RUBCN: variants seen among roughly 807,000 people sequenced by gnomAD.
RUBCN encodes run domain Beclin-1-interacting and cysteine-rich domain-containing protein.
Under a neutral mutation model 113.2 loss-of-function variants are expected in RUBCN, and 74 were observed. The ratio of observed to expected loss-of-function variants is 0.65; its 90% CI spans 0.54 to 0.79. The LOEUF (loss-of-function observed/expected upper bound fraction) is 0.79. Among genes scored for constraint, RUBCN ranks in the 30% least tolerant of loss-of-function variants. RUBCN has a pLI of 0.00. For synonymous variants in RUBCN, 480 were observed against 490.0 expected (o/e 0.98, Z 0.27); for missense variants, 1,109 against 1,251.7 (o/e 0.89, Z 1.72).
intron 7 of RUBCN, chr3:197,699,102 T>G: frequency 1.0e-6 from 1 of 953,940 alleles, no homozygotes; most frequent in Non-Finnish European, 1.7e-6. Context: ...CAGACTTGAT[T>G]TGACACCAGA....
chr3:197,682,664 C>T (rs368867303), intron 13 of RUBCN, 49 bp from the exon 14 acceptor site: 23 of 1,602,050 alleles, frequency 1.4e-5, no homozygotes, highest in Middle Eastern at 1.7e-4. Context: ...GTGTGCTGCC[C>T]GTCATCTGGT....
At chr3:197,696,198 C>A (rs1428274213) in intron 8 of RUBCN, among the ~76,000 whole-genome samples, 1 of 151,874 alleles carries the variant, frequency 6.6e-6, no homozygotes, top group Non-Finnish European at 1.5e-5. Flanking sequence ...ATGGTGAAAC[C>A]CCATCTCTAC....
intron 2 of RUBCN, 44 bp downstream of exon 2, chr3:197,717,933 A>G (rs370731043): frequency 5.1e-5 from 82 of 1,611,342 alleles, no homozygotes; most frequent in Non-Finnish European, 6.4e-5. Context: ...TTTCTTTTCA[A>G]CAAGCGAGTC....
upstream of RUBCN, among the ~76,000 whole-genome samples, chr3:197,740,530 A>G (rs1395517049): frequency 6.6e-6 from 1 of 152,192 alleles, no homozygotes; most frequent in Non-Finnish European, 1.5e-5. Context: ...AACATGAACC[A>G]TAATTGGATA....
At position 197,678,865 on chromosome 3, in the gene RUBCN, C is replaced by G. The variant is rs1332334088; in HGVS notation, c.2431-1324G>C. 8.7e-5 allele frequency among the ~76,000 whole-genome samples: 13 copies of G among 149,492 alleles called. No individual in the cohort carries two copies. In the East Asian group the frequency reaches 2.4e-3, roughly 28 times the overall value. ...TGACAACTGGCTTCAGACTGTCCTA[C>G]GCTCTAACTGACAACTGGCTCCAGA... On this transcript the variant is annotated intron_variant, in intron 16 of 19. Transcript: ENST00000296343.
rs983876249 is a variant in RUBCN at position 197,669,887 on chromosome 3, C to T, written c.*5131G>A. ...CAAGACTTTTTCCCCATGTTACTAT[C>T]ATAATTTATTTTTTTGTTTGAGACA... On this transcript the variant is annotated 3_prime_UTR_variant, in exon 20 of 20. Coordinates refer to ENST00000296343, the MANE Select transcript of RUBCN (RefSeq NM_014687.4). Among the ~76,000 whole-genome samples, 6 of 152,088 alleles carry T rather than the reference C, an allele frequency of 3.9e-5. No homozygotes were observed. The highest frequency in any genetic ancestry group is 6.6e-5 in the Admixed American group (1 of 15,252).
At chr3:197,724,452 G>A (rs1037090559) in intron 1 of RUBCN, among the ~76,000 whole-genome samples, 3 of 152,192 alleles carry the variant, frequency 2.0e-5, no homozygotes, top group African/African-American at 7.2e-5. Flanking sequence ...ATTGCAAAGT[G>A]TGATTCAAGG....
upstream of RUBCN, among the ~76,000 whole-genome samples, chr3:197,741,141 T>C (rs890206283): frequency 3.3e-5 from 5 of 152,232 alleles, no homozygotes; most frequent in Non-Finnish European, 7.4e-5. Flanking sequence ...CCTAAAAAAA[T>C]AGTCAATGAT....
At position 197,683,483 on chromosome 3, in the gene RUBCN, T is replaced by C; in HGVS notation, c.1848-44A>G. 1 of 1,611,186 alleles carries C rather than the reference T, an allele frequency of 6.2e-7. No homozygotes were observed. The highest frequency in any genetic ancestry group is 8.5e-7 in the Non-Finnish European group (1 of 1,178,888). On this transcript the variant is annotated intron_variant, in intron 12 of 19. Coordinates refer to ENST00000296343, the MANE Select transcript of RUBCN (RefSeq NM_014687.4). This position sits in a 1 kb window ranked among gnomAD's most constrained non-coding sequence, Gnocchi z 4.6. ...AGGACGGCTGAACACAGGGAAAGGA[T>C]GGGCGATGCGAGGCTTCCCTTCATG...
chr3:197,695,137 C>T (rs918900600), intron 9 of RUBCN, among the ~76,000 whole-genome samples: 13 of 149,280 alleles, frequency 8.7e-5, no homozygotes, highest in African/African-American at 2.0e-4. Context: ...AGACCCCAGA[C>T]GCAGCGGCTC....
chr3:197,687,107 T>G (rs1207197463), intron 11 of RUBCN, among the ~76,000 whole-genome samples: 1 of 152,226 alleles, frequency 6.6e-6, no homozygotes, highest in Admixed American at 6.5e-5. Context: ...AACTTCAGAA[T>G]GTACTGGCCA....
intron 1 of RUBCN, among the ~76,000 whole-genome samples, chr3:197,721,794 C>T (rs566015719): frequency 7.2e-5 from 11 of 152,120 alleles, no homozygotes; most frequent in Non-Finnish European, 1.5e-4. Context: ...TTTCCACTGT[C>T]ATTTGTCTCA....
At position 197,675,071 on chromosome 3, in the gene RUBCN, C is replaced by A; in HGVS notation, c.2866G>T (p.Glu956Ter). The A allele has an allele frequency of 6.2e-7, 1 of 1,613,430 alleles. No homozygotes were observed. The highest frequency in any genetic ancestry group is 2.2e-5 in the East Asian group (1 of 44,886). Residue 956 changes from glutamate to a stop codon, truncating the protein, a stop_gained, in exon 20 of 20, where the codon GAG (glutamate) becomes TAG (stop). Coordinates refer to ENST00000296343, the MANE Select transcript of RUBCN (RefSeq NM_014687.4). LOFTEE classifies it high-confidence loss of function. This position sits in a 1 kb window ranked among gnomAD's most constrained non-coding sequence, Gnocchi z 4.4. ...AGGGCCAGCGCTTCCGCGGGCTCCT[C>A]CTCGTAGTCTGACAGGTAAGACTCC... ...SLESYLSDYE[E>*]EPAEALALEA...
chr3:197,701,792 A>T lies in RUBCN; in HGVS notation c.643T>A (p.Tyr215Asn), dbSNP rs1222818407. The T allele has an allele frequency of 1.9e-6, 3 of 1,614,156 alleles. No homozygotes were observed. Among genetic ancestry groups the T allele is most frequent in the Non-Finnish European group, 2.5e-6 (3 of 1,179,966 alleles). Residue 215 changes from tyrosine to asparagine, a missense_variant, in exon 6 of 20, where the codon TAC becomes AAC. Tyr to Asn is a moderately radical substitution (Grantham distance 143). Transcript: ENST00000296343. ...QSLTALPSST[Y>N]TPPNSYAQHS... ...TGAGCATAGCTGTTTGGAGGGGTGT[A>T]TGTGGAACTGGGCAGGGCTGTCAGG...
At chr3:197,688,997 G>A (rs148158716) in intron 11 of RUBCN, among the ~76,000 whole-genome samples, 302 of 151,700 alleles carry the variant, frequency 2.0e-3, no homozygotes, top group Non-Finnish European at 3.5e-3. Context: ...ACCAAAAATC[G>A]TTGAGTTGTA....
In RUBCN at chr3:197,675,772, A is replaced by G. The variant is rs1258482869; in HGVS notation, c.2647-257T>C. Among the ~76,000 whole-genome samples, 15 of 150,708 alleles carry G rather than the reference A, an allele frequency of 1.0e-4. No individual in the cohort carries two copies. The highest frequency in any genetic ancestry group is 6.4e-4 in the South Asian group (3 of 4,666). ...GCGCGGCTCTCCATGAAGAGAGGAG[A>G]AGGAGGAAATGGCACCACAAAGGGC... On this transcript the variant is annotated intron_variant, in intron 18 of 19. Transcript: ENST00000296343. The surrounding 1 kb of genome is among the most constrained non-coding windows in gnomAD (Gnocchi z 4.4).
chr3:197,694,319 C>A (rs1222242590), intron 10 of RUBCN, 56 bp downstream of exon 10: 1 of 1,474,856 alleles, frequency 6.8e-7, no homozygotes, highest in Non-Finnish European at 9.5e-7. Context: ...GGGCACCAGG[C>A]CTTATGCTGA....
chr3:197,745,386 C>T (rs193171278), intron 1 of RUBCN, among the ~76,000 whole-genome samples: 2 of 151,596 alleles, frequency 1.3e-5, no homozygotes, highest in Admixed American at 6.6e-5. Context: ...GAGGCTGAGG[C>T]GGGCGGATTA....
At chr3:197,708,274 T>C (rs983526750) in intron 2 of RUBCN, among the ~76,000 whole-genome samples, 3 of 151,972 alleles carry the variant, frequency 2.0e-5, no homozygotes, top group Non-Finnish European at 2.9e-5. Context: ...TCGCGGGGAT[T>C]ACAGGTGTCT....
Sources: gnomAD v4.1 joint callset for allele counts (sites outside exome capture counted in the v4.1 genomes callset) on GRCh38, gnomAD v4.1.1 for gene constraint, Gnocchi (gnomAD v3.1) non-coding constraint, MANE v1.5 for transcripts, NCBI Gene and HGNC (gene_info 2026-07-23, HGNC 2026-07-21) for gene names.